GAB2: variants seen among roughly 807,000 people sequenced by gnomAD.
GAB2 encodes the protein GRB2 associated binding protein 2.
Under a neutral mutation model 65.5 loss-of-function variants are expected in GAB2, and 26 were observed. That is an observed-to-expected ratio of 0.40 (90% CI 0.29 to 0.55). The LOEUF is 0.55. Ranked by LOEUF, GAB2 falls within the 20% of genes least tolerant of loss-of-function variation. The pLI is 0.53. For synonymous variants in GAB2, 321 were observed against 329.6 expected, an observed-to-expected ratio of 0.97 and a Z score of 0.28; for missense variants, 884 against 875.8, an observed-to-expected ratio of 1.01 and a Z score of -0.12.
chr11:78,231,329 C>T (rs757389490), intron 3 of GAB2, among the ~76,000 whole-genome samples: 23 of 115,662 alleles, frequency 2.0e-4, no homozygotes, highest in Admixed American at 4.5e-4. Flanking sequence ...CGCGCGCGCG[C>T]GTGTGTGGTG....
At chr11:78,367,440 G>C (rs1856511712) in intron 1 of GAB2, among the ~76,000 whole-genome samples, 1 of 152,238 alleles carries the variant, frequency 6.6e-6, no homozygotes, top group Admixed American at 6.5e-5. Flanking sequence ...CTACCACCCA[G>C]TTCCAGCTAA....
chr11:78,398,041 C>CACACACACACACACAT (rs57095813), intron 1 of GAB2, among the ~76,000 whole-genome samples: 21,863 of 151,376 alleles, frequency 0.14, 2,059 homozygotes, highest in East Asian at 0.34. Context: ...CACACACACA[C>CACACACACACACACAT]ATCCCTGGCC....
At chr11:78,352,073 TGTGGTG>T (rs1856286907) in intron 1 of GAB2, among the ~76,000 whole-genome samples, 1 of 151,988 alleles carries the variant, frequency 6.6e-6, no homozygotes, top group Admixed American at 6.6e-5. Context: ...ATTAGCCAAG[TGTGGTG>T]GTGGGCACCT....
In GAB2 at chr11:78,340,605, C is replaced by T. The variant is rs1401656163; in HGVS notation, c.76-59704G>A. Among the ~76,000 whole-genome samples, 4 of 143,288 alleles carry T rather than the reference C, an allele frequency of 2.8e-5. 1 individual carries two copies. In the Admixed American group the frequency reaches 2.8e-4, roughly 10 times the overall value. The allele number at this position is 143,288 out of a possible 152,430, so 94.0% of individuals were successfully genotyped here. On this transcript the variant is annotated intron_variant, in intron 1 of 9. Transcript: ENST00000361507. Reference sequence around the variant, plus strand: ...TGGGAACCCTGGAAAAGCTACACTGCTTATGTGAAGAGGAAAAAAAAAAAA... The same window carrying T: ...TGGGAACCCTGGAAAAGCTACACTGTTTATGTGAAGAGGAAAAAAAAAAAA...
chr11:78,236,609 AAGTCCTTTATC>A lies in GAB2; in HGVS notation c.621-9569_621-9559del, dbSNP rs1295905386. The stretch of plus-strand genomic sequence containing the variant: ...TGATCTTAGCTATAGGGTTCCTTAG[AAGTCCTTTATC>A]AGTTTAAAGAAGTTCTCCTCAATTC... On this transcript the variant is annotated intron_variant, in intron 3 of 9. Transcript: ENST00000361507. Among the ~76,000 whole-genome samples the A allele has an allele frequency of 9.8e-5, 15 of 152,344 alleles. No homozygotes were observed. The East Asian group carries it at 1.9e-3, about 20-fold the overall frequency.
intron 2 of GAB2, among the ~76,000 whole-genome samples, chr11:78,265,765 C>G (rs1203199087): frequency 6.6e-6 from 1 of 152,132 alleles, no homozygotes; most frequent in Non-Finnish European, 1.5e-5. Flanking sequence ...TTTCAGGTAT[C>G]TCACACTTTG....
At chr11:78,322,964 CTGAGTA>C (rs1211050230) in intron 1 of GAB2, among the ~76,000 whole-genome samples, 1 of 152,126 alleles carries the variant, frequency 6.6e-6, no homozygotes, top group East Asian at 1.9e-4. Flanking sequence ...AATCCCATTA[CTGAGTA>C]TATGTACAAA....
chr11:78,293,513 A>G (rs1364137703), intron 1 of GAB2, among the ~76,000 whole-genome samples: 1 of 152,258 alleles, frequency 6.6e-6, no homozygotes, highest in Non-Finnish European at 1.5e-5. Context: ...AAGATGGTAC[A>G]CAGACACCAT....
chr11:78,349,719 C>T (rs2134702521), intron 1 of GAB2, among the ~76,000 whole-genome samples: 1 of 151,882 alleles, frequency 6.6e-6, no homozygotes, highest in South Asian at 2.1e-4. Flanking sequence ...TTTTAGCAGC[C>T]TTTTTCAAAG....
At chr11:78,272,090 T>C (rs1489900974) in intron 2 of GAB2, among the ~76,000 whole-genome samples, 2 of 152,232 alleles carry the variant, frequency 1.3e-5, no homozygotes, top group Non-Finnish European at 2.9e-5. Flanking sequence ...AACTCCATTA[T>C]GTCTCTCTCT....
At chr11:78,301,330 G>GGTTTTT (rs1554985706) in intron 1 of GAB2, among the ~76,000 whole-genome samples, 1 of 145,726 alleles carries the variant, frequency 6.9e-6, no homozygotes, top group Admixed American at 6.8e-5. Context: ...GTATCTTGTG[G>GGTTTTT]TTTTTTGTTT....
At chr11:78,284,130 C>T (rs1396244681) in intron 1 of GAB2, among the ~76,000 whole-genome samples, 2 of 152,140 alleles carry the variant, frequency 1.3e-5, no homozygotes, top group African/African-American at 4.8e-5. Flanking sequence ...AGTTGTCAGA[C>T]CAAAAATCTA....
intron 1 of GAB2, among the ~76,000 whole-genome samples, chr11:78,385,280 C>T (rs1261340153): frequency 3.3e-5 from 5 of 152,172 alleles, no homozygotes; most frequent in Admixed American, 6.5e-5. Flanking sequence ...ACGGGAAAGG[C>T]CACACAGGAG....
At chr11:78,254,906 C>T (rs1865555925) in intron 2 of GAB2, among the ~76,000 whole-genome samples, 2 of 151,940 alleles carry the variant, frequency 1.3e-5, no homozygotes, top group Non-Finnish European at 2.9e-5. Context: ...CTGCTTGCAA[C>T]TTTAAAAAGA....
intron 1 of GAB2, among the ~76,000 whole-genome samples, chr11:78,327,745 A>T (rs1855848590): frequency 6.6e-6 from 1 of 152,250 alleles, no homozygotes; most frequent in Non-Finnish European, 1.5e-5. Flanking sequence ...TAAAAAAATC[A>T]GGATTTAAGG....
At chr11:78,406,747 C>G (rs1202375690) in intron 1 of GAB2, among the ~76,000 whole-genome samples, 1 of 152,118 alleles carries the variant, frequency 6.6e-6, no homozygotes, top group African/African-American at 2.4e-5. Flanking sequence ...AGACAATCGA[C>G]AGATGCCAAC....
rs571702359 is a variant in GAB2, at chr11:78,377,390, A to G, written c.75+40256T>C. On this transcript the variant is annotated intron_variant, in intron 1 of 9. Transcript: ENST00000361507. Reference sequence around the variant, plus strand: ...TCTCTTGTGTGTGTTCACTTCTTATAAAGACACTAATCCCATCATGAGGGC... The same window carrying G: ...TCTCTTGTGTGTGTTCACTTCTTATGAAGACACTAATCCCATCATGAGGGC... Among the ~76,000 whole-genome samples the G allele has an allele frequency of 2.4e-3, 364 of 152,216 alleles. 1 individual carries two copies. Among genetic ancestry groups the G allele is most frequent in the African/African-American group, 8.4e-3 (349 of 41,530 alleles).
intron 1 of GAB2, among the ~76,000 whole-genome samples, chr11:78,360,992 C>T (rs566555940): frequency 1.3e-5 from 2 of 152,176 alleles, no homozygotes; most frequent in East Asian, 1.9e-4. Flanking sequence ...GTAAAACACA[C>T]CTCATTAATC....
intron 2 of GAB2, among the ~76,000 whole-genome samples, chr11:78,257,925 T>C (rs1365460198): frequency 6.6e-6 from 1 of 151,920 alleles, no homozygotes; most frequent in African/African-American, 2.4e-5. Flanking sequence ...TCTCACAGTC[T>C]CCAAAGCCAA....
Sources: allele counts gnomAD v4.1 joint callset (sites outside exome capture counted in the v4.1 genomes callset), GRCh38; gene constraint gnomAD v4.1.1; transcripts MANE v1.5; gene names NCBI Gene and HGNC (gene_info 2026-07-23, HGNC 2026-07-21).